ZC3H14: variants seen among roughly 807,000 people sequenced by gnomAD.
ZC3H14 encodes zinc finger CCCH-type containing 14.
A neutral mutation model predicts 92.4 loss-of-function variants in ZC3H14; 31 were observed. The observed-to-expected ratio is 0.34, with a 90% CI of 0.25 to 0.45. ZC3H14 has a LOEUF of 0.45. Ranked by LOEUF, ZC3H14 falls within the 20% of genes least tolerant of loss-of-function variation. The pLI, the probability that ZC3H14 is intolerant of heterozygous loss-of-function variation, is 1.00. For synonymous variants in ZC3H14, 321 were observed against 300.9 expected, an observed-to-expected ratio of 1.07 and a Z score of -0.69; for missense variants, 781 against 897.3, an observed-to-expected ratio of 0.87 and a Z score of 1.66.
chr14:88,580,322 A>C (rs915544441), intron 9 of ZC3H14, among the ~76,000 whole-genome samples: 1 of 152,194 alleles, frequency 6.6e-6, no homozygotes, highest in African/African-American at 2.4e-5. Context: ...ATGAAGACTA[A>C]ATTAGAAAGA....
chr14:88,613,567 C>T lies in ZC3H14; in HGVS notation c.*1816C>T, dbSNP rs2087159063. 1 of 152,020 alleles carries T rather than the reference C, an allele frequency of 6.6e-6. No homozygotes were observed. The highest frequency in any genetic ancestry group is 1.5e-5 in the Non-Finnish European group (1 of 68,008). The allele number at this position is 152,020 out of a possible 1,614,324, so 9.4% of individuals were successfully genotyped here. A position where few individuals can be genotyped will look rare whatever the true frequency, so the allele number is the denominator to read the frequency against. On this transcript the variant is annotated 3_prime_UTR_variant, in exon 17 of 17. Transcript: ENST00000251038. ...ACACATATTTAAGAGTTTAATCTTT[C>T]AGTTGCTATGGCTTATGAACAAGCT...
chr14:88,575,468 G>A (rs1305422811), intron 7 of ZC3H14, among the ~76,000 whole-genome samples: 1 of 152,084 alleles, frequency 6.6e-6, no homozygotes, highest in African/African-American at 2.4e-5. Context: ...TGAGGCAGGA[G>A]GATTGCTTGA....
In ZC3H14 at chr14:88,566,784, G is replaced by A. The variant is rs575802815; in HGVS notation, c.80-1255G>A. 5.3e-5 allele frequency among the ~76,000 whole-genome samples: 8 copies of A among 152,170 alleles called. 1 individual carries two copies. In the South Asian group the frequency reaches 1.7e-3, roughly 32 times the overall value. ...AAAATACAAACATTAGCTGGGTGTGGTGGCAGGTGCCTGTAATCCCAGCTA... is the reference window on the plus strand; with the variant it reads ...AAAATACAAACATTAGCTGGGTGTGATGGCAGGTGCCTGTAATCCCAGCTA... On this transcript the variant is annotated intron_variant, in intron 2 of 16. Transcript: ENST00000251038.
chr14:88,601,889 A>G (rs1035651154), intron 10 of ZC3H14, 35 bp from the exon 11 acceptor site: 43 of 1,612,760 alleles, frequency 2.7e-5, no homozygotes, highest in East Asian at 4.5e-5. Context: ...GGTATATTCA[A>G]AAGTAAACAT....
chr14:88,569,386 GATT>G (rs2080108643), intron 3 of ZC3H14, among the ~76,000 whole-genome samples: 1 of 152,120 alleles, frequency 6.6e-6, no homozygotes, highest in Non-Finnish European at 1.5e-5. Context: ...CATATTTTGA[GATT>G]ATAAGTTTTT....
Position 88,621,034 on chromosome 14 carries a change from TTAAG to T in ZC3H14, c.*9286_*9289del. On this transcript the variant is annotated 3_prime_UTR_variant, in exon 17 of 17. Coordinates refer to ENST00000251038, the MANE Select transcript of ZC3H14 (RefSeq NM_024824.5). ...TGCTCAACAGAATTCTGGCAGTTCT[TTAAG>T]TACTAGCAATTTAGAACTTCCAACT... 1 of 1,493,734 alleles carries T rather than the reference TTAAG, an allele frequency of 6.7e-7. No individual in the cohort carries two copies. Among genetic ancestry groups the T allele is most frequent in the Non-Finnish European group, 8.9e-7 (1 of 1,122,106 alleles). The allele number at this position is 1,493,734 out of a possible 1,614,324, so 92.5% of individuals were successfully genotyped here.
Position 88,621,400 on chromosome 14 carries a change from T to G in ZC3H14, c.*9649T>G, listed in dbSNP as rs763248862. On this transcript the variant is annotated 3_prime_UTR_variant, in exon 17 of 17. Coordinates refer to ENST00000251038, the MANE Select transcript of ZC3H14 (RefSeq NM_024824.5). ...CCCTATTGACCTGCTTTCAGAGAAC[T>G]TTTTGCTTTGAGCTAATCTAGTAGC... The G allele has an allele frequency of 1.2e-5, 17 of 1,471,922 alleles. No individual in the cohort carries two copies. In the South Asian group the frequency reaches 1.9e-4, roughly 16 times the overall value. The allele number at this position is 1,471,922 out of a possible 1,614,324, so 91.2% of individuals were successfully genotyped here. A position where few individuals can be genotyped will look rare whatever the true frequency, so the allele number is the denominator to read the frequency against.
At chr14:88,583,127 CTTTTT>C (rs1290553129) in intron 9 of ZC3H14, among the ~76,000 whole-genome samples, 1 of 123,396 alleles carries the variant, frequency 8.1e-6, no homozygotes, top group African/African-American at 3.0e-5. Flanking sequence ...TTGACTTGTG[CTTTTT>C]TTTTATTTTT....
chr14:88,602,230 C>A, intron 11 of ZC3H14, 147 bp downstream of exon 11: 2 of 1,062,384 alleles, frequency 1.9e-6, no homozygotes, highest in Non-Finnish European at 2.7e-6. Context: ...AATAGTTAGC[C>A]AAATTCAGTT....
Position 88,622,573 on chromosome 14 carries a change from C to T in ZC3H14, c.*10822C>T, listed in dbSNP as rs2140330809. On this transcript the variant is annotated 3_prime_UTR_variant, in exon 17 of 17. Transcript: ENST00000251038. ...AGTAATAACCACTTTCTGTTTTCTG[C>T]TGCACTGTATCAGCTCATGGAACAT... 1 of 1,512,130 alleles carries T rather than the reference C, an allele frequency of 6.6e-7. No homozygotes were observed. The highest frequency in any genetic ancestry group is 8.9e-7 in the Non-Finnish European group (1 of 1,119,018). The allele number at this position is 1,512,130 out of a possible 1,614,324, so 93.7% of individuals were successfully genotyped here.
At position 88,578,093 on chromosome 14, in the gene ZC3H14, C is replaced by A. The variant is rs201527519; in HGVS notation, c.1232C>A (p.Pro411His). ...AGTAGGACCCCCAGAATAAGTCCCC[C>A]CATTAAAGAAGAGGAAACAAAAGGA... ...GQSRTPRISP[P>H]IKEEETKGDS... The change falls in exon 9 of 17, where the codon CCC becomes CAC. Residue 411 changes from proline (P) to histidine (H), a missense_variant. Physicochemically the swap from Pro to His is moderately conservative, Grantham distance 77. Coordinates refer to ENST00000251038, the MANE Select transcript of ZC3H14 (RefSeq NM_024824.5). The A allele has an allele frequency of 3.7e-6, 6 of 1,613,664 alleles. No individual in the cohort carries two copies. In the Admixed American group the frequency reaches 5.0e-5, roughly 13 times the overall value.
At chr14:88,593,047 A>G (rs1445882310) in intron 9 of ZC3H14, among the ~76,000 whole-genome samples, 1 of 146,774 alleles carries the variant, frequency 6.8e-6, no homozygotes, top group Non-Finnish European at 1.5e-5. Flanking sequence ...CTGCTTATTC[A>G]GTCTCTGCCT....
rs2088163320 is a variant in ZC3H14, at chr14:88,618,520, G to C, written c.*6769G>C. ...AGTGGGGGAGGAAAGGGGAGCTGTA[G>C]GTCAGAAGGTACAAAGGGAGGAGTT... On this transcript the variant is annotated 3_prime_UTR_variant, in exon 17 of 17. Transcript: ENST00000251038. 1 of 1,191,612 alleles carries C rather than the reference G, an allele frequency of 8.4e-7. No homozygotes were observed. Among genetic ancestry groups the C allele is most frequent in the Admixed American group, 2.6e-5 (1 of 38,494 alleles). 73.8% of individuals were successfully genotyped at this position (1,191,612 alleles called of 1,614,324 possible). A position where few individuals can be genotyped will look rare whatever the true frequency, so the allele number is the denominator to read the frequency against.
In ZC3H14 at chr14:88,563,292, G is replaced by A. The variant is rs1051183199; in HGVS notation, c.36+123G>A. 2.8e-5 allele frequency: 43 copies of A among 1,531,616 alleles called. No homozygotes were observed. The African/African-American group carries it at 4.4e-4, about 16-fold the overall frequency. The allele number at this position is 1,531,616 out of a possible 1,614,324, so 94.9% of individuals were successfully genotyped here. A position where few individuals can be genotyped will look rare whatever the true frequency, so the allele number is the denominator to read the frequency against. On this transcript the variant is annotated intron_variant, in intron 1 of 16. Coordinates refer to ENST00000251038, the MANE Select transcript of ZC3H14 (RefSeq NM_024824.5). ...CTGGCCTCCGCTGGACGCTCCTGGC[G>A]GGCTGCGGCTCCTCCTCGTCCAGGC...
intron 5 of ZC3H14, 28 bp from the exon 6 acceptor site, chr14:88,572,550 T>G (rs2080573640): frequency 1.2e-6 from 2 of 1,613,284 alleles, no homozygotes; most frequent in African/African-American, 2.7e-5. Flanking sequence ...AATTTGGCTG[T>G]AATACATTTT....
At position 88,615,898 on chromosome 14, in the gene ZC3H14, A is replaced by G; in HGVS notation, c.*4147A>G. ...ATTGCAGGGAGTTAATTATGTTTTTAGATTTTCATAACAGTTTAATATTTT... is the reference window on the plus strand; with the variant it reads ...ATTGCAGGGAGTTAATTATGTTTTTGGATTTTCATAACAGTTTAATATTTT... On this transcript the variant is annotated 3_prime_UTR_variant, in exon 17 of 17. Coordinates refer to ENST00000251038, the MANE Select transcript of ZC3H14 (RefSeq NM_024824.5). 1 of 1,582,158 alleles carries G rather than the reference A, an allele frequency of 6.3e-7. No individual in the cohort carries two copies. Among genetic ancestry groups the G allele is most frequent in the Non-Finnish European group, 8.6e-7 (1 of 1,161,976 alleles).
intron 11 of ZC3H14, 40 bp downstream of exon 11, chr14:88,602,123 T>G (rs1400705073): frequency 1.9e-6 from 3 of 1,612,046 alleles, no homozygotes; most frequent in Non-Finnish European, 2.5e-6. Flanking sequence ...ATTTGTGTGA[T>G]TAGATAGTAA....
intron 9 of ZC3H14, chr14:88,590,954 A>G (rs1365126459): frequency 6.6e-6 from 1 of 151,982 alleles, no homozygotes; most frequent in Non-Finnish European, 1.5e-5. Context: ...ATTTGTCCAT[A>G]TATTTTCTAT....
rs1245077330 is a variant in ZC3H14 at position 88,623,617 on chromosome 14, T to C, written c.*11866T>C. 1 of 151,978 alleles carries C rather than the reference T, an allele frequency of 6.6e-6. No homozygotes were observed. The allele number at this position is 151,978 out of a possible 1,614,324, so 9.4% of individuals were successfully genotyped here. ...TTAGTAGAGATGGAGTTTCACCATA[T>C]TGGCCAGGCTGATCCCAAACTCCTG... is the stretch of plus-strand genomic sequence containing the variant. On this transcript the variant is annotated 3_prime_UTR_variant, in exon 17 of 17. Coordinates refer to ENST00000251038, the MANE Select transcript of ZC3H14 (RefSeq NM_024824.5).
Sources: gnomAD v4.1 joint callset for allele counts (sites outside exome capture counted in the v4.1 genomes callset) on GRCh38, gnomAD v4.1.1 for gene constraint, MANE v1.5 for transcripts, NCBI Gene and HGNC (gene_info 2026-07-23, HGNC 2026-07-21) for gene names.